Variants in ARHGAP10 observed in about 807,000 individuals in gnomAD.
ARHGAP10 encodes the protein Rho GTPase activating protein 10, also known as rho GTPase-activating protein 10.
Under a neutral mutation model 108.6 loss-of-function variants are expected in ARHGAP10, and 87 were observed. That is an observed-to-expected ratio of 0.80 (90% CI 0.67 to 0.96). The LOEUF is 0.96. ARHGAP10 is among the 40% of genes least tolerant of loss of function. The pLI is 0.00. For synonymous variants in ARHGAP10, 347 were observed against 341.1 expected, an observed-to-expected ratio of 1.02 and a Z score of -0.19; for missense variants, 939 against 954.5, an observed-to-expected ratio of 0.98 and a Z score of 0.21.
chr4:147,960,103 G>T (rs1266212827), intron 16 of ARHGAP10, among the ~76,000 whole-genome samples: 1 of 152,064 alleles, frequency 6.6e-6, no homozygotes, highest in Non-Finnish European at 1.5e-5. Context: ...TTGTTATATT[G>T]TTTTTATTTT....
chr4:147,772,346 A>G (rs1560749642), intron 1 of ARHGAP10, among the ~76,000 whole-genome samples: 2 of 152,234 alleles, frequency 1.3e-5, no homozygotes, highest in South Asian at 2.1e-4. Flanking sequence ...ACAGTTTGTG[A>G]TTTTTAGGTC....
At chr4:148,005,939 T>C (rs1318839787) in intron 18 of ARHGAP10, among the ~76,000 whole-genome samples, 1 of 152,256 alleles carries the variant, frequency 6.6e-6, no homozygotes, top group African/African-American at 2.4e-5. Context: ...CAAATACATG[T>C]ATCTCTTAGT....
chr4:148,042,950 G>C (rs1014034258), intron 19 of ARHGAP10, among the ~76,000 whole-genome samples: 6 of 152,114 alleles, frequency 3.9e-5, no homozygotes, highest in Non-Finnish European at 5.9e-5. Context: ...TCTCCATGCT[G>C]ATGCTATTTC....
At chr4:147,785,783 T>C (rs1730867513) in intron 1 of ARHGAP10, among the ~76,000 whole-genome samples, 1 of 152,306 alleles carries the variant, frequency 6.6e-6, no homozygotes, top group South Asian at 2.1e-4. Context: ...ATAAGGAAGA[T>C]TGTACTCTGA....
chr4:148,014,877 A>G (rs552250279), intron 18 of ARHGAP10, among the ~76,000 whole-genome samples: 2 of 152,372 alleles, frequency 1.3e-5, no homozygotes, highest in South Asian at 4.1e-4. Context: ...AAAATTAGAA[A>G]AACAGAAACT....
At chr4:147,758,878 C>T (rs1729479916) in intron 1 of ARHGAP10, among the ~76,000 whole-genome samples, 1 of 149,138 alleles carries the variant, frequency 6.7e-6, no homozygotes, top group African/African-American at 2.5e-5. Context: ...ACTTGGGAGG[C>T]TGAGACGTGA....
At chr4:147,821,531 A>G (rs1324358041) in intron 1 of ARHGAP10, among the ~76,000 whole-genome samples, 1 of 152,220 alleles carries the variant, frequency 6.6e-6, no homozygotes, top group Non-Finnish European at 1.5e-5. Flanking sequence ...AATTGCAAAC[A>G]GCACGATAAA....
chr4:147,819,434 G>A (rs1732391284), intron 1 of ARHGAP10, among the ~76,000 whole-genome samples: 1 of 151,980 alleles, frequency 6.6e-6, no homozygotes, highest in South Asian at 2.1e-4. Context: ...ATGTGTATGT[G>A]ACTACTAAAA....
chr4:148,014,119 T>C (rs961734619), intron 18 of ARHGAP10, among the ~76,000 whole-genome samples: 2 of 152,254 alleles, frequency 1.3e-5, no homozygotes, highest in African/African-American at 4.8e-5. Flanking sequence ...GTGTATGGAC[T>C]ATACCTTATA....
chr4:147,956,751 T>G (rs1217729852), intron 16 of ARHGAP10, among the ~76,000 whole-genome samples: 1 of 126,502 alleles, frequency 7.9e-6, no homozygotes, highest in Non-Finnish European at 1.7e-5. Flanking sequence ...TTTTTTTTCC[T>G]TTTTTTTTTT....
At chr4:147,761,721 A>G (rs1318440004) in intron 1 of ARHGAP10, among the ~76,000 whole-genome samples, 1 of 152,240 alleles carries the variant, frequency 6.6e-6, no homozygotes, top group African/African-American at 2.4e-5. Flanking sequence ...AAATCTGCCC[A>G]TTTGGAATAT....
intron 12 of ARHGAP10, among the ~76,000 whole-genome samples, chr4:147,912,642 A>C (rs1284300849): frequency 8.1e-6 from 1 of 123,246 alleles, no homozygotes; most frequent in African/African-American, 3.2e-5. Flanking sequence ...ACATAGCCTT[A>C]AGCTTTTTTT....
At position 148,049,599 on chromosome 4, in the gene ARHGAP10, G is replaced by GTAA. The variant is rs555061890; in HGVS notation, c.2027+2550_2027+2552dup. Among the ~76,000 whole-genome samples, 58 of 152,070 alleles carry GTAA rather than the reference G, an allele frequency of 3.8e-4. 1 individual carries two copies. In the East Asian group the frequency reaches 8.3e-3, roughly 22 times the overall value. Reference sequence around the variant, plus strand: ...ACCTCCGGGAAGTCTTCCCCATGCTGTAATCTACAGGGAGCCTCTAAAGAG... The same window carrying GTAA: ...ACCTCCGGGAAGTCTTCCCCATGCTGTAATAATCTACAGGGAGCCTCTAAAGAG... On this transcript the variant is annotated intron_variant, in intron 20 of 22. Coordinates refer to ENST00000336498, the MANE Select transcript of ARHGAP10 (RefSeq NM_024605.4).
chr4:148,052,503 C>A (rs1729190743), intron 20 of ARHGAP10, among the ~76,000 whole-genome samples: 1 of 141,204 alleles, frequency 7.1e-6, no homozygotes, highest in Non-Finnish European at 1.5e-5. Context: ...TGATAAGTAA[C>A]CTAAAGGAAT....
intron 19 of ARHGAP10, among the ~76,000 whole-genome samples, chr4:148,035,701 C>T (rs958709443): frequency 3.3e-5 from 5 of 152,178 alleles, no homozygotes; most frequent in Non-Finnish European, 5.9e-5. Context: ...CTCTACCATG[C>T]GGCAGTTATA....
At chr4:147,969,725 G>A (rs1739335571) in intron 18 of ARHGAP10, among the ~76,000 whole-genome samples, 2 of 152,142 alleles carry the variant, frequency 1.3e-5, no homozygotes, top group Non-Finnish European at 2.9e-5. Context: ...AATCTTACAG[G>A]AATTTTCCAG....
At chr4:147,851,464 C>T (rs1437210708) in intron 4 of ARHGAP10, among the ~76,000 whole-genome samples, 2 of 152,132 alleles carry the variant, frequency 1.3e-5, no homozygotes, top group African/African-American at 2.4e-5. Flanking sequence ...CCTCCTGCCT[C>T]GGCCTTCCAA....
At chr4:147,933,640 A>C (rs1228326709) in intron 13 of ARHGAP10, among the ~76,000 whole-genome samples, 1 of 152,160 alleles carries the variant, frequency 6.6e-6, no homozygotes, top group Admixed American at 6.5e-5. Context: ...CCCCAGATGG[A>C]CCTGGGGAAG....
intron 18 of ARHGAP10, among the ~76,000 whole-genome samples, chr4:148,010,633 C>A (rs1741134116): frequency 6.6e-6 from 1 of 152,060 alleles, no homozygotes. Flanking sequence ...ATATGTGTCT[C>A]CTAAAAACAA....
Sources: allele counts gnomAD v4.1 joint callset (sites outside exome capture counted in the v4.1 genomes callset), GRCh38; gene constraint gnomAD v4.1.1; transcripts MANE v1.5; gene names NCBI Gene and HGNC (gene_info 2026-07-23, HGNC 2026-07-21).